ADGRL3: variants seen among roughly 807,000 people sequenced by gnomAD.
The protein encoded by ADGRL3 is calcium-independent alpha-latrotoxin receptor 3.
ADGRL3 carries 62 observed loss-of-function variants against 153.5 expected under a neutral mutation model. That is an observed-to-expected ratio of 0.40 (90% CI 0.33 to 0.50). The LOEUF (loss-of-function observed/expected upper bound fraction) is 0.50, where lower values mean the gene tolerates loss of function less well. ADGRL3 is among the 20% of genes least tolerant of loss of function. ADGRL3 has a pLI of 0.47. For synonymous variants in ADGRL3, 710 were observed against 672.5 expected (o/e 1.06, Z -0.86); for missense variants, 1,641 against 1,859.4 (o/e 0.88, Z 2.16).
chr4:61,965,381 C>A (rs1453339160), intron 17 of ADGRL3, among the ~76,000 whole-genome samples: 2 of 151,996 alleles, frequency 1.3e-5, no homozygotes, highest in African/African-American at 4.8e-5. Flanking sequence ...TGGAATTAGG[C>A]TAGGTTTTCC....
At chr4:61,487,959 C>T (rs2098215817) in intron 2 of ADGRL3, among the ~76,000 whole-genome samples, 1 of 151,886 alleles carries the variant, frequency 6.6e-6, no homozygotes, top group South Asian at 2.1e-4. Flanking sequence ...TTGAACGTAT[C>T]AATATAGACA....
chr4:61,300,467 T>G (rs1038833473), intron 1 of ADGRL3, among the ~76,000 whole-genome samples: 1 of 152,184 alleles, frequency 6.6e-6, no homozygotes, highest in Non-Finnish European at 1.5e-5. Context: ...TTGCTCTGCC[T>G]TGGATAAGGG....
At chr4:61,247,275 C>T (rs964222983) in intron 1 of ADGRL3, among the ~76,000 whole-genome samples, 2 of 152,024 alleles carry the variant, frequency 1.3e-5, no homozygotes, top group Non-Finnish European at 2.9e-5. Context: ...GCCTTCATTG[C>T]ATTCTGTTGC....
intron 4 of ADGRL3, among the ~76,000 whole-genome samples, chr4:61,573,699 C>A (rs1009616272): frequency 2.0e-5 from 3 of 151,862 alleles, no homozygotes; most frequent in African/African-American, 7.2e-5. Flanking sequence ...ACAAGAAGGC[C>A]ATTCAATCAA....
chr4:61,204,924 G>T lies in ADGRL3; in HGVS notation c.-240+3159G>T, dbSNP rs1736439133. 2.6e-5 allele frequency among the ~76,000 whole-genome samples: 4 copies of T among 152,096 alleles called. No individual in the cohort carries two copies. In the South Asian group the frequency reaches 8.3e-4, roughly 32 times the overall value. ...AAAAATATGAATGGAAAGTCTTTCA[G>T]AAATGATTTTCTTAATCATGATCTT... On this transcript the variant is annotated intron_variant, in intron 1 of 26. Transcript: ENST00000683033.
intron 2 of ADGRL3, among the ~76,000 whole-genome samples, chr4:61,407,949 T>G (rs1229160199): frequency 6.6e-6 from 1 of 152,094 alleles, no homozygotes; most frequent in Non-Finnish European, 1.5e-5. Context: ...TAGATTATCG[T>G]TATGAGGAAT....
intron 1 of ADGRL3, among the ~76,000 whole-genome samples, chr4:61,225,343 T>A (rs912803209): frequency 6.6e-6 from 1 of 152,130 alleles, no homozygotes; most frequent in Non-Finnish European, 1.5e-5. Flanking sequence ...GGCCCCACAG[T>A]TAAAGGGCTA....
At chr4:61,425,636 A>G (rs566690412) in intron 2 of ADGRL3, among the ~76,000 whole-genome samples, 2 of 152,300 alleles carry the variant, frequency 1.3e-5, no homozygotes, top group South Asian at 2.1e-4. Flanking sequence ...GGTGCTCCCC[A>G]TGGTTCCTTT....
intron 4 of ADGRL3, among the ~76,000 whole-genome samples, chr4:61,544,393 T>G (rs1454974896): frequency 1.3e-5 from 2 of 152,244 alleles, no homozygotes; most frequent in African/African-American, 4.8e-5. Flanking sequence ...TTATTCTTTA[T>G]AGTCTTTACC....
chr4:61,761,632 C>T (rs1246861994), intron 8 of ADGRL3, among the ~76,000 whole-genome samples: 1 of 152,086 alleles, frequency 6.6e-6, no homozygotes, highest in Non-Finnish European at 1.5e-5. Flanking sequence ...CGTCTCTACA[C>T]AAAATTTTAA....
chr4:61,255,852 T>C (rs1282617725), intron 1 of ADGRL3, among the ~76,000 whole-genome samples: 6 of 152,176 alleles, frequency 3.9e-5, no homozygotes, highest in Non-Finnish European at 8.8e-5. Flanking sequence ...CAATCCCTAG[T>C]AAGTTGTTAT....
At chr4:61,588,336 A>T (rs1434038864) in intron 5 of ADGRL3, among the ~76,000 whole-genome samples, 1 of 151,926 alleles carries the variant, frequency 6.6e-6, no homozygotes, top group Non-Finnish European at 1.5e-5. Flanking sequence ...GATTTCAAGG[A>T]TTCTCTCTTT....
At chr4:61,326,870 T>C (rs2095476190) in intron 1 of ADGRL3, among the ~76,000 whole-genome samples, 1 of 151,970 alleles carries the variant, frequency 6.6e-6, no homozygotes, top group East Asian at 1.9e-4. Context: ...CCCCTAATGC[T>C]TGAGTAGTTT....
chr4:61,355,259 A>G (rs977902312), intron 1 of ADGRL3, among the ~76,000 whole-genome samples: 1 of 152,098 alleles, frequency 6.6e-6, no homozygotes, highest in Non-Finnish European at 1.5e-5. Flanking sequence ...TTCATATTAT[A>G]TTATTGTGAC....
chr4:61,556,995 T>C (rs2098770296), intron 4 of ADGRL3, among the ~76,000 whole-genome samples: 2 of 152,166 alleles, frequency 1.3e-5, no homozygotes, highest in Non-Finnish European at 2.9e-5. Context: ...TTAAAGCATG[T>C]CTAAGTGTGG....
chr4:61,505,552 C>T (rs2098422471), intron 3 of ADGRL3, among the ~76,000 whole-genome samples: 1 of 152,030 alleles, frequency 6.6e-6, no homozygotes, highest in African/African-American at 2.4e-5. Flanking sequence ...TGATTAAACT[C>T]TGGTAGCCAA....
At chr4:61,502,455 A>G (rs968269525) in intron 3 of ADGRL3, among the ~76,000 whole-genome samples, 8 of 150,636 alleles carry the variant, frequency 5.3e-5, no homozygotes, top group African/African-American at 2.0e-4. Context: ...GCAACGTAAA[A>G]AAAATGCTTG....
intron 2 of ADGRL3, among the ~76,000 whole-genome samples, chr4:61,434,526 C>T (rs2097420037): frequency 6.6e-6 from 1 of 152,022 alleles, no homozygotes; most frequent in African/African-American, 2.4e-5. Flanking sequence ...TTGATTTTGA[C>T]CTTTTCTTTC....
At chr4:61,993,042 T>G (rs866669221) in intron 19 of ADGRL3, among the ~76,000 whole-genome samples, 46 of 152,088 alleles carry the variant, frequency 3.0e-4, no homozygotes, top group Admixed American at 1.2e-3. Flanking sequence ...GTTCTCAGAT[T>G]AGCTTTCAAA....
Sources: allele counts gnomAD v4.1 joint callset (sites outside exome capture counted in the v4.1 genomes callset), GRCh38; gene constraint gnomAD v4.1.1; transcripts MANE v1.5; gene names NCBI Gene and HGNC (gene_info 2026-07-23, HGNC 2026-07-21).